Variants in KHDRBS2 observed in about 807,000 individuals in gnomAD.
KHDRBS2 encodes KH domain-containing, RNA-binding, signal transduction-associated protein 2.
In KHDRBS2, 26 loss-of-function variants were observed where a neutral mutation model predicts 44.3. That is an observed-to-expected ratio of 0.59 (90% CI 0.43 to 0.81). The LOEUF is 0.81. Among genes scored for constraint, KHDRBS2 ranks in the 40% least tolerant of loss-of-function variants. The pLI is 0.00. For synonymous variants in KHDRBS2, 194 were observed against 151.1 expected, an observed-to-expected ratio of 1.28 and a Z score of -2.08; for missense variants, 476 against 433.1, an observed-to-expected ratio of 1.10 and a Z score of -0.88.
intron 2 of KHDRBS2, among the ~76,000 whole-genome samples, chr6:62,070,547 T>A (rs1241050979): frequency 7.2e-5 from 11 of 151,964 alleles, no homozygotes. Context: ...TGTCCATGTG[T>A]TCTCATTGTT....
intron 4 of KHDRBS2, among the ~76,000 whole-genome samples, chr6:61,954,956 A>C (rs1262226192): frequency 1.4e-5 from 2 of 142,282 alleles, no homozygotes; most frequent in African/African-American, 5.0e-5. Context: ...ATACATATAT[A>C]TGTATATATA....
chr6:62,081,458 G>A (rs1797376921), intron 2 of KHDRBS2, among the ~76,000 whole-genome samples: 2 of 152,118 alleles, frequency 1.3e-5, no homozygotes. Context: ...GAGTGAGTTT[G>A]ACAATTGTGA....
intron 6 of KHDRBS2, among the ~76,000 whole-genome samples, chr6:61,777,607 C>T (rs1211982506): frequency 6.6e-6 from 1 of 152,050 alleles, no homozygotes; most frequent in East Asian, 1.9e-4. Context: ...ACAATGGAAG[C>T]CTCCAGAGAG....
chr6:61,953,869 A>C (rs896973582), intron 4 of KHDRBS2, among the ~76,000 whole-genome samples: 2 of 152,198 alleles, frequency 1.3e-5, no homozygotes, highest in Non-Finnish European at 2.9e-5. Context: ...AATAAACCTA[A>C]ACAAGATATC....
chr6:62,247,985 C>G (rs1246461275), intron 1 of KHDRBS2, among the ~76,000 whole-genome samples: 1 of 151,936 alleles, frequency 6.6e-6, no homozygotes, highest in East Asian at 1.9e-4. Context: ...TAGTCGAAAA[C>G]AAGTAGAGCA....
chr6:62,146,984 G>A (rs746247767), intron 2 of KHDRBS2, among the ~76,000 whole-genome samples: 20 of 151,850 alleles, frequency 1.3e-4, no homozygotes, highest in Admixed American at 5.3e-4. Context: ...CCAAACCCAT[G>A]CCCCCAGCAG....
At chr6:61,769,158 A>T (rs1780442264) in intron 6 of KHDRBS2, among the ~76,000 whole-genome samples, 1 of 152,136 alleles carries the variant, frequency 6.6e-6, no homozygotes, top group Non-Finnish European at 1.5e-5. Flanking sequence ...AATATTTATG[A>T]TTAAAAAATT....
At chr6:61,807,999 C>A (rs1787442069) in intron 6 of KHDRBS2, among the ~76,000 whole-genome samples, 1 of 151,978 alleles carries the variant, frequency 6.6e-6, no homozygotes, top group Non-Finnish European at 1.5e-5. Flanking sequence ...AAATTAAATA[C>A]TTTTTCAGTC....
intron 2 of KHDRBS2, among the ~76,000 whole-genome samples, chr6:62,048,417 C>T (rs1788227830): frequency 6.6e-6 from 1 of 151,768 alleles, no homozygotes; most frequent in Non-Finnish European, 1.5e-5. Context: ...TAAAAGTTTG[C>T]AATCAATATT....
intron 6 of KHDRBS2, among the ~76,000 whole-genome samples, chr6:61,844,156 C>T (rs1794026384): frequency 6.6e-6 from 1 of 152,126 alleles, no homozygotes; most frequent in African/African-American, 2.4e-5. Flanking sequence ...AATAAATATA[C>T]TTTAAAGGCC....
the KHDRBS2 span, among the ~76,000 whole-genome samples, chr6:61,614,201 A>G: frequency 6.6e-6 from 1 of 152,114 alleles, no homozygotes; most frequent in Non-Finnish European, 1.5e-5. Flanking sequence ...GAGGTTGTCT[A>G]TTAAACATGT....
chr6:61,887,113 T>C (rs975043055), intron 6 of KHDRBS2, among the ~76,000 whole-genome samples: 5 of 152,002 alleles, frequency 3.3e-5, no homozygotes, highest in African/African-American at 4.8e-5. Flanking sequence ...GATAGAGAAT[T>C]TGTAGAGACA....
chr6:61,880,596 A>G (rs1800065268), intron 6 of KHDRBS2, among the ~76,000 whole-genome samples: 3 of 151,938 alleles, frequency 2.0e-5, no homozygotes, highest in Admixed American at 2.0e-4. Context: ...TATTTGGAAT[A>G]TAAAACAGAC....
intron 8 of KHDRBS2, 42 bp downstream of exon 8, chr6:61,697,152 TG>T: frequency 1.6e-6 from 2 of 1,225,170 alleles, no homozygotes; most frequent in Non-Finnish European, 1.2e-6. Context: ...CGGTGACTGA[TG>T]GATGTTCCGA....
intron 6 of KHDRBS2, among the ~76,000 whole-genome samples, chr6:61,772,037 C>T (rs981034031): frequency 3.1e-4 from 47 of 152,050 alleles, no homozygotes; most frequent in African/African-American, 1.1e-3. Context: ...ACTGCTCAAC[C>T]ACATGGAAAC....
chr6:62,104,258 C>T (rs1168115939), intron 2 of KHDRBS2, among the ~76,000 whole-genome samples: 1 of 152,128 alleles, frequency 6.6e-6, no homozygotes, highest in Non-Finnish European at 1.5e-5. Context: ...AGAACATTTA[C>T]ACAAACTAGA....
intron 3 of KHDRBS2, among the ~76,000 whole-genome samples, chr6:62,003,446 T>G (rs571461688): frequency 6.6e-6 from 1 of 151,962 alleles, no homozygotes; most frequent in African/African-American, 2.4e-5. Flanking sequence ...AACTTCATGA[T>G]TGAGCAACAA....
At chr6:61,863,207 T>G (rs1161699714) in intron 6 of KHDRBS2, among the ~76,000 whole-genome samples, 1 of 151,790 alleles carries the variant, frequency 6.6e-6, no homozygotes, top group Non-Finnish European at 1.5e-5. Context: ...AGTGGTCTTT[T>G]TCCTTATTTT....
intron 6 of KHDRBS2, among the ~76,000 whole-genome samples, chr6:61,886,129 C>T (rs1732257790): frequency 6.6e-6 from 1 of 152,108 alleles, no homozygotes; most frequent in South Asian, 2.1e-4. Flanking sequence ...CCCTAGACAA[C>T]TGAGAATTAT....
Sources: allele counts gnomAD v4.1 joint callset (sites outside exome capture counted in the v4.1 genomes callset), GRCh38; gene constraint gnomAD v4.1.1; transcripts MANE v1.5; gene names NCBI Gene and HGNC (gene_info 2026-07-23, HGNC 2026-07-21).